Variants in HSPG2 observed in about 807,000 individuals in gnomAD.
HSPG2 encodes basement membrane-specific heparan sulfate proteoglycan core protein.
A neutral mutation model predicts 526.6 loss-of-function variants in HSPG2; 278 were observed. The observed-to-expected ratio is 0.53, with a 90% confidence interval of 0.48 to 0.58. HSPG2 has a LOEUF of 0.58. Ranked by LOEUF, HSPG2 falls within the 20% of genes least tolerant of loss-of-function variation. The probability of loss-of-function intolerance (pLI) is 0.00; values close to 1 mark genes in which losing one functional copy is unlikely to be tolerated. For synonymous variants in HSPG2, 2,465 were observed against 2,555.4 expected, an observed-to-expected ratio of 0.96 and a Z score of 1.07; for missense variants, 5,354 against 6,099.5, an observed-to-expected ratio of 0.88 and a Z score of 4.07.
intron 37 of HSPG2, among the ~76,000 whole-genome samples, chr1:21,862,964 G>A (rs1048564039): frequency 1.9e-4 from 29 of 150,958 alleles, no homozygotes; most frequent in Middle Eastern, 3.4e-3. Flanking sequence ...AGAGGCTGAG[G>A]CAGGAGAATG....
chr1:21,864,175 G>A lies in HSPG2; in HGVS notation c.4665C>T (p.Leu1555=), dbSNP rs1443975959. Residue 1555 remains leucine, a synonymous_variant, in exon 37 of 97, where the codon CTC becomes CTT. Coordinates refer to ENST00000374695, the MANE Select transcript of HSPG2 (RefSeq NM_005529.7). The surrounding 1 kb of genome is among the most constrained non-coding windows in gnomAD (Gnocchi z 4.8). ...APGYTRTGSG[L]YLGHCELCEC... ...CACATAGCTCGCAGTGGCCGAGGTA[G>A]AGCCCACTCCCGGTGCGCGTGTAGC... The A allele has an allele frequency of 1.5e-5, 23 of 1,554,892 alleles. No homozygotes were observed. Among genetic ancestry groups the A allele is most frequent in the Non-Finnish European group, 1.9e-5 (22 of 1,149,206 alleles).
At position 21,830,038 on chromosome 1, in the gene HSPG2, T is replaced by C. The variant is rs201509668; in HGVS notation, c.11725A>G (p.Thr3909Ala). The C allele has an allele frequency of 1.1e-5, 17 of 1,591,272 alleles. No homozygotes were observed. Among genetic ancestry groups the C allele is most frequent in the Non-Finnish European group, 1.5e-5 (17 of 1,171,284 alleles). Residue 3909 changes from threonine (T) to alanine (A), a missense_variant, in exon 86 of 97, where the codon ACC becomes GCC. Thr to Ala is a moderately conservative substitution (Grantham distance 58, BLOSUM62 0). Coordinates refer to ENST00000374695, the MANE Select transcript of HSPG2 (RefSeq NM_005529.7). The stretch of plus-strand genomic sequence containing the variant: ...GAGCGGCCCAGGTGGCAGCGGCAGG[T>C]GTAGCCTCGACCGTCAGGCCGGTTC... Reference protein sequence around the residue: ...CVNRPDGRGYTCRCHLGRSGL... With the variant: ...CVNRPDGRGYACRCHLGRSGL...
chr1:21,895,913 G>A lies in HSPG2; in HGVS notation c.244+9C>T. On this transcript the variant is annotated intron_variant, in intron 3 of 96. Transcript: ENST00000374695. This position sits in a 1 kb window ranked among gnomAD's most constrained non-coding sequence, Gnocchi z 4.1. ...GAGGGAGACCTGCAGGAGGCCTGCA[G>A]CAACTTACCCATCTGGAAGTCCCCG... 1 of 1,613,828 alleles carries A rather than the reference G, an allele frequency of 6.2e-7. No homozygotes were observed.
At chr1:21,897,772 G>C (rs1057463483) in intron 1 of HSPG2, among the ~76,000 whole-genome samples, 4 of 152,170 alleles carry the variant, frequency 2.6e-5, no homozygotes, top group Non-Finnish European at 5.9e-5. Flanking sequence ...TGACTGGGAA[G>C]GGGGCACAAG....
chr1:21,876,869 G>A (rs897945280), intron 21 of HSPG2, among the ~76,000 whole-genome samples: 5 of 152,130 alleles, frequency 3.3e-5, no homozygotes, highest in African/African-American at 1.2e-4. Context: ...GACCAGCCTG[G>A]CCAACATGGC....
In HSPG2 at chr1:21,830,973, G is replaced by A; in HGVS notation, c.11671+9C>T. On this transcript the variant is annotated intron_variant, in intron 85 of 96. Coordinates refer to ENST00000374695, the MANE Select transcript of HSPG2 (RefSeq NM_005529.7). Reference sequence around the variant, plus strand: ...TGGGGCGACAGCGACTGGCGGTCGGGGTGCGTACCTGGATGGCAGTGCAGG... The same window carrying A: ...TGGGGCGACAGCGACTGGCGGTCGGAGTGCGTACCTGGATGGCAGTGCAGG... 1 of 1,560,986 alleles carries A rather than the reference G, an allele frequency of 6.4e-7. No homozygotes were observed. The highest frequency in any genetic ancestry group is 1.2e-5 in the South Asian group (1 of 86,118).
intron 81 of HSPG2, among the ~76,000 whole-genome samples, chr1:21,832,095 C>T (rs2098006758): frequency 2.0e-5 from 3 of 152,214 alleles, no homozygotes; most frequent in African/African-American, 7.2e-5. Context: ...GGACTCCTCT[C>T]TCCCTGTGAT....
Position 21,842,824 on chromosome 1 carries a change from G to A in HSPG2, c.8856C>T (p.Ala2952=). 5 of 1,613,970 alleles carry A rather than the reference G, an allele frequency of 3.1e-6. No individual in the cohort carries two copies. The highest frequency in any genetic ancestry group is 4.2e-6 in the Non-Finnish European group (5 of 1,180,018). The change falls in exon 67 of 97, where the codon GCC becomes GCT. Residue 2952 remains alanine, a synonymous_variant. Coordinates refer to ENST00000374695, the MANE Select transcript of HSPG2 (RefSeq NM_005529.7). ...LDLNCVVPGQ[A]HAQVTWYKRG... is the part of the protein sequence containing the mutation. ...GCTTGTACCACGTGACCTGGGCATG[G>A]GCCTGCCCGGGCACCACACAGTTCA...
chr1:21,894,561 C>G lies in HSPG2; in HGVS notation c.244+1361G>C, dbSNP rs534690357. ...ACCTACCCTGGTCTTGGGCCCCCTA[C>G]AGCTGCTGTGCCCTGTTCCCCACCT... On this transcript the variant is annotated intron_variant, in intron 3 of 96. Transcript: ENST00000374695. Among the ~76,000 whole-genome samples, 6 of 152,332 alleles carry G rather than the reference C, an allele frequency of 3.9e-5. No individual in the cohort carries two copies. In the East Asian group the frequency reaches 7.7e-4, roughly 20 times the overall value.
intron 40 of HSPG2, 45 bp downstream of exon 40, chr1:21,860,132 C>T (rs1639677508): frequency 1.2e-6 from 2 of 1,611,008 alleles, no homozygotes; most frequent in African/African-American, 2.7e-5. Context: ...CCCAGGGCTC[C>T]CTGCCTTGCC....
intron 1 of HSPG2, among the ~76,000 whole-genome samples, chr1:21,923,852 G>A (rs188056213): frequency 2.6e-5 from 4 of 152,292 alleles, no homozygotes; most frequent in East Asian, 1.9e-4. Context: ...AATGTTTGCC[G>A]AATGAATGAA....
chr1:21,860,496 C>A (rs1254999995), intron 39 of HSPG2, among the ~76,000 whole-genome samples: 1 of 151,470 alleles, frequency 6.6e-6, no homozygotes, highest in Non-Finnish European at 1.5e-5. Flanking sequence ...CAGCAAACGT[C>A]CATTTTTTTT....
chr1:21,832,989 G>A, intron 80 of HSPG2: 1 of 565,334 alleles, frequency 1.8e-6, no homozygotes, highest in South Asian at 2.0e-5. Flanking sequence ...CAGAGATGGG[G>A]AAAGGAAGCT....
At position 21,856,767 on chromosome 1, in the gene HSPG2, C is replaced by T. The variant is rs79683377; in HGVS notation, c.5575+248G>A. Among the ~76,000 whole-genome samples, 701 of 152,308 alleles carry T rather than the reference C, an allele frequency of 4.6e-3. 1 individual carries two copies. The highest frequency in any genetic ancestry group is 0.016 in the African/African-American group (661 of 41,558). On this transcript the variant is annotated intron_variant, in intron 44 of 96. Coordinates refer to ENST00000374695, the MANE Select transcript of HSPG2 (RefSeq NM_005529.7). ...TCATCATTCCTAGCCTGGCACTCAT[C>T]GCCATGTGTAGTTATCTTGCTTGTT...
intron 66 of HSPG2, 123 bp downstream of exon 66, chr1:21,843,174 C>T (rs917462086): frequency 7.7e-6 from 11 of 1,425,950 alleles, no homozygotes; most frequent in South Asian, 2.4e-5. Context: ...CTTGATCCTC[C>T]GTGGTAGGAA....
In HSPG2 at chr1:21,844,966, C is replaced by T. The variant is rs377667923; in HGVS notation, c.8465-667G>A. On this transcript the variant is annotated intron_variant, in intron 64 of 96. Coordinates refer to ENST00000374695, the MANE Select transcript of HSPG2 (RefSeq NM_005529.7). ...TCACTTTAAAAAAGCCTTAACTACACACTGGGCGCGGTGGCTCACGCCTGT... is the reference window on the plus strand; with the variant it reads ...TCACTTTAAAAAAGCCTTAACTACATACTGGGCGCGGTGGCTCACGCCTGT... Among the ~76,000 whole-genome samples, 17 of 152,268 alleles carry T rather than the reference C, an allele frequency of 1.1e-4. 1 individual carries two copies. The highest frequency in any genetic ancestry group is 4.1e-4 in the African/African-American group (17 of 41,558).
intron 1 of HSPG2, among the ~76,000 whole-genome samples, chr1:21,923,213 C>T (rs1255288359): frequency 6.6e-6 from 1 of 152,134 alleles, no homozygotes; most frequent in Non-Finnish European, 1.5e-5. Context: ...TCGAGACCAG[C>T]CTGACTAACA....
rs1187769716 is a variant in HSPG2, at chr1:21,880,698, G to A, written c.1956C>T (p.Thr652=). The A allele has an allele frequency of 1.9e-6, 3 of 1,600,008 alleles. No homozygotes were observed. In the African/African-American group the frequency reaches 4.0e-5, roughly 21 times the overall value. Residue 652 remains threonine (T), a synonymous_variant, in exon 15 of 97, where the codon ACC becomes ACT. Transcript: ENST00000374695. ...GGCGCTGGTTCAGAGCACCAGGTTG[G>A]GTGGGTGTGTGGCCTCGGGAGAGGA... The part of the protein sequence containing the change: ...YRLLSRGHTP[T]QPGALNQRQV...
intron 1 of HSPG2, among the ~76,000 whole-genome samples, chr1:21,910,945 C>G (rs115895693): frequency 2.6e-5 from 4 of 152,084 alleles, no homozygotes; most frequent in African/African-American, 9.7e-5. Flanking sequence ...CGCCTGAGGT[C>G]GCAAATGGCC....
Sources: gnomAD v4.1 joint callset for allele counts (sites outside exome capture counted in the v4.1 genomes callset) on GRCh38, gnomAD v4.1.1 for gene constraint, Gnocchi (gnomAD v3.1) non-coding constraint, MANE v1.5 for transcripts, NCBI Gene and HGNC (gene_info 2026-07-23, HGNC 2026-07-21) for gene names.